ANKRD46: variants seen among roughly 807,000 people sequenced by gnomAD.
ANKRD46 encodes ankyrin repeat domain-containing protein 46.
A neutral mutation model predicts 19.8 loss-of-function variants in ANKRD46; 13 were observed. The observed-to-expected ratio is 0.66, with a 90% CI of 0.43 to 1.04. The LOEUF (loss-of-function observed/expected upper bound fraction) is 1.04. ANKRD46 is among the 50% of genes least tolerant of loss of function. The pLI is 0.00. For synonymous variants in ANKRD46, 91 were observed against 106.9 expected (o/e 0.85, Z 0.92); for missense variants, 185 against 274.8 (o/e 0.67, Z 2.31).
chr8:100,538,568 C>G (rs1288926060), intron 1 of ANKRD46, among the ~76,000 whole-genome samples: 1 of 152,124 alleles, frequency 6.6e-6, no homozygotes, highest in Non-Finnish European at 1.5e-5. Flanking sequence ...CTGAAACCAT[C>G]CCTCTTCAAA....
intron 5 of ANKRD46, among the ~76,000 whole-genome samples, chr8:100,512,612 T>TA (rs1811564943): frequency 6.6e-6 from 1 of 152,194 alleles, no homozygotes; most frequent in Non-Finnish European, 1.5e-5. Flanking sequence ...TCAAAAATCA[T>TA]GACAGAACCG....
Position 100,534,680 on chromosome 8 carries a change from C to T in ANKRD46, c.-130-1369G>A, listed in dbSNP as rs1193703045. Among the ~76,000 whole-genome samples the T allele has an allele frequency of 6.6e-6, 1 of 152,166 alleles. No individual in the cohort carries two copies. Among genetic ancestry groups the T allele is most frequent in the Non-Finnish European group, 1.5e-5 (1 of 68,040 alleles). ...AAAAAGAAAAAATTTTGTTTTTCAT[C>T]TAGAGATGGAATTATAGTTCATATG... On this transcript the variant is annotated intron_variant, in intron 1 of 4. Transcript: ENST00000335659. This position sits in a 1 kb window ranked among gnomAD's most constrained non-coding sequence, Gnocchi z 4.2.
rs79826135 is a variant in ANKRD46, at chr8:100,536,395, C to T, written c.-130-3084G>A. 4.3e-3 allele frequency among the ~76,000 whole-genome samples: 657 copies of T among 152,174 alleles called. 2 individuals are homozygous for T. The highest frequency in any genetic ancestry group is 0.015 in the African/African-American group (606 of 41,506). On this transcript the variant is annotated intron_variant, in intron 1 of 4. Transcript: ENST00000335659. This position sits in a 1 kb window ranked among gnomAD's most constrained non-coding sequence, Gnocchi z 4.9. Reference sequence around the variant, plus strand: ...TGTTAAAAAAACTTGATTACTCCACCCAGAATGTATATGGAGCTGGACTGC... The same window carrying T: ...TGTTAAAAAAACTTGATTACTCCACTCAGAATGTATATGGAGCTGGACTGC...
At position 100,537,773 on chromosome 8, in the gene ANKRD46, C is replaced by G. The variant is rs1812093323; in HGVS notation, c.-130-4462G>C. Among the ~76,000 whole-genome samples, 1 of 152,164 alleles carries G rather than the reference C, an allele frequency of 6.6e-6. No homozygotes were observed. Among genetic ancestry groups the G allele is most frequent in the Non-Finnish European group, 1.5e-5 (1 of 68,036 alleles). On this transcript the variant is annotated intron_variant, in intron 1 of 4. Transcript: ENST00000335659. The surrounding 1 kb of genome is among the most constrained non-coding windows in gnomAD (Gnocchi z 4.2). Reference sequence around the variant, plus strand: ...AACATTAACAATATATTTCTTCAGTCTGCTTATCTTCAGCAGCTATTTAAA... The same window carrying G: ...AACATTAACAATATATTTCTTCAGTGTGCTTATCTTCAGCAGCTATTTAAA...
chr8:100,523,463 G>A (rs530407043), intron 4 of ANKRD46, among the ~76,000 whole-genome samples: 2 of 151,872 alleles, frequency 1.3e-5, no homozygotes, highest in Non-Finnish European at 2.9e-5. Flanking sequence ...GAGGGGGGAA[G>A]ATGAGTAAAT....
At chr8:100,547,354 G>A (rs1812293218) in intron 1 of ANKRD46, among the ~76,000 whole-genome samples, 1 of 152,070 alleles carries the variant, frequency 6.6e-6, no homozygotes, top group African/African-American at 2.4e-5. Flanking sequence ...TTTAATAGTG[G>A]CAGTTTCCCC....
Position 100,537,372 on chromosome 8 carries a change from G to A in ANKRD46, c.-130-4061C>T, listed in dbSNP as rs1048593362. On this transcript the variant is annotated intron_variant, in intron 1 of 4. Coordinates refer to ENST00000335659, the MANE Select transcript of ANKRD46 (RefSeq NM_001270377.2). This position sits in a 1 kb window ranked among gnomAD's most constrained non-coding sequence, Gnocchi z 4.2. ...CACCAGACATTTCAACAAAATGCAA[G>A]GAAAAAACGACATAGCTGGAAAGAT... Among the ~76,000 whole-genome samples the A allele has an allele frequency of 6.6e-6, 1 of 151,976 alleles. No homozygotes were observed. Among genetic ancestry groups the A allele is most frequent in the Non-Finnish European group, 1.5e-5 (1 of 67,972 alleles).
intron 1 of ANKRD46, among the ~76,000 whole-genome samples, chr8:100,547,287 C>T (rs969540385): frequency 2.0e-5 from 3 of 152,050 alleles, no homozygotes; most frequent in South Asian, 2.1e-4. Context: ...ATCATGGGGG[C>T]GGTTTTCCCC....
rs929913481 is a variant in ANKRD46 at position 100,546,547 on chromosome 8, G to T, written c.-131+13164C>A. ...ATGGAAATTCCTGGATGTCCAGACA[G>T]AAGTCTGCTACAGGGGCAGAGCCCT... On this transcript the variant is annotated intron_variant, in intron 1 of 4. Coordinates refer to ENST00000335659, the MANE Select transcript of ANKRD46 (RefSeq NM_001270377.2). The surrounding 1 kb of genome is among the most constrained non-coding windows in gnomAD (Gnocchi z 4.0). 1.3e-5 allele frequency among the ~76,000 whole-genome samples: 2 copies of T among 152,240 alleles called. No individual in the cohort carries two copies. Among genetic ancestry groups the T allele is most frequent in the Non-Finnish European group, 2.9e-5 (2 of 68,040 alleles).
At chr8:100,542,557 CT>C (rs1461038070) in intron 1 of ANKRD46, among the ~76,000 whole-genome samples, 2 of 152,058 alleles carry the variant, frequency 1.3e-5, no homozygotes, top group Non-Finnish European at 2.9e-5. Context: ...GTGTCTGTGG[CT>C]TTAAAGGGAA....
At chr8:100,531,443 C>T (rs538152247) in intron 2 of ANKRD46, among the ~76,000 whole-genome samples, 1 of 152,224 alleles carries the variant, frequency 6.6e-6, no homozygotes, top group Non-Finnish European at 1.5e-5. Context: ...GAGCCATTGT[C>T]CCAAAATCTG....
intron 1 of ANKRD46, among the ~76,000 whole-genome samples, chr8:100,538,266 C>T (rs1372219689): frequency 6.6e-6 from 1 of 151,796 alleles, no homozygotes. Context: ...AAGCTGCACA[C>T]AATCAACCAT....
rs2469648 is a variant in ANKRD46 at position 100,545,468 on chromosome 8, C to T, written c.-130-12157G>A. Among the ~76,000 whole-genome samples, 82,121 of 151,974 alleles carry T rather than the reference C, an allele frequency of 0.54. 22,719 individuals carry two copies. Among genetic ancestry groups the T allele is most frequent in the African/African-American group, 0.67 (27,664 of 41,446 alleles). On this transcript the variant is annotated intron_variant, in intron 1 of 4. Coordinates refer to ENST00000335659, the MANE Select transcript of ANKRD46 (RefSeq NM_001270377.2). The surrounding 1 kb of genome is among the most constrained non-coding windows in gnomAD (Gnocchi z 4.7). ...CCATGTAAGATGTTCCTTGCTTCCC[C>T]ATAACCTTCCACCATGATTCTAAGT...
Position 100,527,188 on chromosome 8 carries a change from C to A in ANKRD46, c.470+657G>T, listed in dbSNP as rs1811858157. ...GAGCTATTCAAGACCCTGTCAGTTA[C>A]CACATCTTAGCTTCGATTACTCACA... On this transcript the variant is annotated intron_variant, in intron 4 of 4. Transcript: ENST00000335659. This position sits in a 1 kb window ranked among gnomAD's most constrained non-coding sequence, Gnocchi z 4.0. Among the ~76,000 whole-genome samples the A allele has an allele frequency of 6.6e-6, 1 of 152,270 alleles. No individual in the cohort carries two copies. The highest frequency in any genetic ancestry group is 2.1e-4 in the South Asian group (1 of 4,814).
intron 4 of ANKRD46, 81 bp from the exon 5 acceptor site, chr8:100,522,852 G>A (rs1811756483): frequency 2.2e-6 from 2 of 924,550 alleles, no homozygotes; most frequent in African/African-American, 3.7e-5. Context: ...CTACTATTTA[G>A]AAAAGACCAA....
chr8:100,515,867 T>G (rs953599780), downstream of ANKRD46, among the ~76,000 whole-genome samples: 2 of 151,652 alleles, frequency 1.3e-5, no homozygotes, highest in Non-Finnish European at 2.9e-5. Context: ...TCCAGTAACT[T>G]GTTTTTGTTT....
In ANKRD46 at chr8:100,510,566, T is replaced by C. The variant is rs1811533374; in HGVS notation, c.*11A>G. 1.3e-6 allele frequency: 2 copies of C among 1,534,746 alleles called. No homozygotes were observed. The highest frequency in any genetic ancestry group is 2.7e-5 in the African/African-American group (2 of 72,994). On this transcript the variant is annotated 3_prime_UTR_variant, in exon 6 of 6. Coordinates refer to the ANKRD46 transcript ENST00000520552. This position sits in a 1 kb window ranked among gnomAD's most constrained non-coding sequence, Gnocchi z 4.9. ...TCTGAGGCTCAGGAGCACAGGACAC[T>C]GACCTAGAGATTAGATGGCCTGGAT...
rs556022189 is a variant in ANKRD46 at position 100,548,852 on chromosome 8, A to G, written c.-131+10859T>C. On this transcript the variant is annotated intron_variant, in intron 1 of 4. Transcript: ENST00000335659. Reference sequence around the variant, plus strand: ...TAAAAAGAAATCAAATCACGTTCATATGACTACTTCTTGAACATCTTTTAA... The same window carrying G: ...TAAAAAGAAATCAAATCACGTTCATGTGACTACTTCTTGAACATCTTTTAA... Among the ~76,000 whole-genome samples, 3 of 152,372 alleles carry G rather than the reference A, an allele frequency of 2.0e-5. No individual in the cohort carries two copies. The East Asian group carries it at 5.8e-4, about 29-fold the overall frequency.
In ANKRD46 at chr8:100,543,565, T is replaced by A. The variant is rs1812216665; in HGVS notation, c.-130-10254A>T. The stretch of plus-strand genomic sequence containing the variant: ...TAATTATGATTTAAAAATTATTCTT[T>A]AAAATGCTGTCAGAAGATAATGGCT... On this transcript the variant is annotated intron_variant, in intron 1 of 4. Transcript: ENST00000335659. The surrounding 1 kb of genome is among the most constrained non-coding windows in gnomAD (Gnocchi z 4.2). Among the ~76,000 whole-genome samples, 1 of 152,192 alleles carries A rather than the reference T, an allele frequency of 6.6e-6. No individual in the cohort carries two copies. Among genetic ancestry groups the A allele is most frequent in the Admixed American group, 6.5e-5 (1 of 15,282 alleles).
Sources: gnomAD v4.1 joint callset for allele counts (sites outside exome capture counted in the v4.1 genomes callset) on GRCh38, gnomAD v4.1.1 for gene constraint, Gnocchi (gnomAD v3.1) non-coding constraint, MANE v1.5 for transcripts, NCBI Gene and HGNC (gene_info 2026-07-23, HGNC 2026-07-21) for gene names.